The following HDAC9 variants were observed in gnomAD, a reference collection of about 807,000 sequenced individuals.
HDAC9 encodes the protein MEF-2 interacting transcription repressor (MITR) protein.
Under a neutral mutation model 139.4 loss-of-function variants are expected in HDAC9, and 41 were observed. That is an observed-to-expected ratio of 0.29 (90% CI 0.23 to 0.38). The LOEUF (loss-of-function observed/expected upper bound fraction) is 0.38, where lower values mean the gene tolerates loss of function less well. HDAC9 is among the 10% of genes least tolerant of loss of function. HDAC9 has a pLI of 1.00. For synonymous variants in HDAC9, 517 were observed against 476.2 expected, an observed-to-expected ratio of 1.09 and a Z score of -1.12; for missense variants, 1,147 against 1,297.0, an observed-to-expected ratio of 0.88 and a Z score of 1.78.
At chr7:18,477,806 A>G (rs141159269) in intron 1 of HDAC9, among the ~76,000 whole-genome samples, 1 of 152,274 alleles carries the variant, frequency 6.6e-6, no homozygotes, top group African/African-American at 2.4e-5. Flanking sequence ...TCCTTTATCT[A>G]ATGTTAACGA....
chr7:18,227,282 A>G (rs1489953928), intron 2 of HDAC9, among the ~76,000 whole-genome samples: 1 of 152,218 alleles, frequency 6.6e-6, no homozygotes, highest in African/African-American at 2.4e-5. Flanking sequence ...TATTTAAATA[A>G]AATTATTCAG....
intron 22 of HDAC9, among the ~76,000 whole-genome samples, chr7:18,910,227 A>G (rs752808580): frequency 1.3e-5 from 2 of 151,902 alleles, no homozygotes; most frequent in Non-Finnish European, 2.9e-5. Flanking sequence ...GTCTTCTTCA[A>G]TTTATTTCAT....
chr7:18,622,696 ATATT>A (rs1840548717), intron 6 of HDAC9, among the ~76,000 whole-genome samples: 2 of 152,044 alleles, frequency 1.3e-5, no homozygotes, highest in Non-Finnish European at 2.9e-5. Flanking sequence ...ATATGTTAAA[ATATT>A]TATATAATAT....
chr7:18,567,346 A>G (rs1015565816), intron 2 of HDAC9, among the ~76,000 whole-genome samples: 1 of 152,208 alleles, frequency 6.6e-6, no homozygotes, highest in Non-Finnish European at 1.5e-5. Flanking sequence ...TTACCTTAGC[A>G]TAGAGACAAA....
At chr7:18,579,444 C>T (rs929139121) in intron 2 of HDAC9, among the ~76,000 whole-genome samples, 2 of 152,164 alleles carry the variant, frequency 1.3e-5, no homozygotes, top group African/African-American at 4.8e-5. Flanking sequence ...GCAGCCTCTT[C>T]CCATGGAGTT....
rs114380718 is a variant in HDAC9 at position 18,512,792 on chromosome 7, C to T, written c.22+16468C>T. ...AATCCTGACAGGATCTATGAAGGAA[C>T]AAGGCATACTGATTCCAGAAATTCA... On this transcript the variant is annotated intron_variant, in intron 2 of 25. Coordinates refer to ENST00000686413, the MANE Select transcript of HDAC9 (RefSeq NM_178425.4). Among the ~76,000 whole-genome samples, 1,201 of 152,232 alleles carry T rather than the reference C, an allele frequency of 7.9e-3. 16 individuals carry two copies. Among genetic ancestry groups the T allele is most frequent in the African/African-American group, 0.027 (1,138 of 41,508 alleles).
chr7:18,323,546 T>A (rs1283711544), intron 1 of HDAC9, among the ~76,000 whole-genome samples: 2 of 152,132 alleles, frequency 1.3e-5, no homozygotes, highest in African/African-American at 4.8e-5. Flanking sequence ...ATAGACATGC[T>A]GATGTCTAGG....
intron 8 of HDAC9, among the ~76,000 whole-genome samples, chr7:18,643,864 T>G (rs1786510438): frequency 6.6e-6 from 1 of 152,046 alleles, no homozygotes; most frequent in Non-Finnish European, 1.5e-5. Flanking sequence ...CCAGAGTTCC[T>G]TAGTCTAATA....
intron 24 of HDAC9, among the ~76,000 whole-genome samples, chr7:18,959,816 G>C (rs1463344236): frequency 6.6e-6 from 1 of 152,144 alleles, no homozygotes; most frequent in African/African-American, 2.4e-5. Context: ...CTTACTTAGT[G>C]AATTGAGGTC....
rs1443310973 is a variant in HDAC9 at position 18,516,302 on chromosome 7, A to G, written c.22+19978A>G. On this transcript the variant is annotated intron_variant, in intron 2 of 25. Transcript: ENST00000686413. The stretch of plus-strand genomic sequence containing the variant: ...TTTAAGAAGGATTTCCTCTGGGTAA[A>G]TATATTCAGTTATGCTCATATCCAT... Among the ~76,000 whole-genome samples the G allele has an allele frequency of 3.3e-5, 5 of 152,192 alleles. No individual in the cohort carries two copies. The East Asian group carries it at 9.6e-4, about 29-fold the overall frequency.
At chr7:18,732,498 T>A (rs928626102) in intron 13 of HDAC9, among the ~76,000 whole-genome samples, 1 of 151,236 alleles carries the variant, frequency 6.6e-6, no homozygotes, top group Admixed American at 6.6e-5. Context: ...TGTGTATATA[T>A]GTGTATATAC....
chr7:18,780,434 C>T (rs2588602), intron 16 of HDAC9, among the ~76,000 whole-genome samples: 115,412 of 151,878 alleles, frequency 0.76, 44,652 homozygotes, highest in Non-Finnish European at 0.83. Context: ...AGTGGGGAAG[C>T]TTCTGTGAGA....
intron 17 of HDAC9, among the ~76,000 whole-genome samples, chr7:18,825,687 G>A (rs1237250571): frequency 6.7e-6 from 1 of 149,194 alleles, no homozygotes; most frequent in African/African-American, 2.5e-5. Context: ...ATGGGATTAA[G>A]GACAAAGATT....
At position 18,647,801 on chromosome 7, in the gene HDAC9, A is replaced by T. The variant is rs373868695; in HGVS notation, c.1052A>T (p.Lys351Ile). 18 of 1,609,546 alleles carry T rather than the reference A, an allele frequency of 1.1e-5. No individual in the cohort carries two copies. Among genetic ancestry groups the T allele is most frequent in the Admixed American group, 1.7e-5 (1 of 59,396 alleles). The part of the protein sequence containing the change: ...PSQLNASNSL[K>I]EKQKCETQTL... ...TCAACACAGGCTTCGAATTCACTCA[A>T]AGAAAAGCAGAAGTGTGAGACGCAG... is the stretch of plus-strand genomic sequence containing the variant. The change falls in exon 10 of 26, where the codon AAA (lysine) becomes ATA (isoleucine). Residue 351 changes from lysine to isoleucine, a missense_variant. Coordinates refer to ENST00000686413, the MANE Select transcript of HDAC9 (RefSeq NM_178425.4).
At chr7:18,218,648 C>T (rs7789412) in intron 2 of HDAC9, among the ~76,000 whole-genome samples, 39,759 of 151,928 alleles carry the variant, frequency 0.26, 5,479 homozygotes, top group South Asian at 0.39. Flanking sequence ...TTAGGTCCAC[C>T]ATTCAGTCCC....
At chr7:18,313,032 C>T (rs556676584) in intron 1 of HDAC9, among the ~76,000 whole-genome samples, 1 of 152,208 alleles carries the variant, frequency 6.6e-6, no homozygotes, top group East Asian at 1.9e-4. Flanking sequence ...AGACATAAGG[C>T]ACCTGTTTTC....
chr7:18,281,388 CTTAAT>C (rs1797096978), intron 2 of HDAC9, among the ~76,000 whole-genome samples: 1 of 152,128 alleles, frequency 6.6e-6, no homozygotes, highest in Admixed American at 6.5e-5. Flanking sequence ...TGCTTAAGTA[CTTAAT>C]TTAAGAGAGA....
At chr7:18,844,992 G>A (rs548974575) in intron 21 of HDAC9, among the ~76,000 whole-genome samples, 84 of 152,192 alleles carry the variant, frequency 5.5e-4, no homozygotes, top group Non-Finnish European at 9.9e-4. Context: ...GTCGTAGTAG[G>A]TGAAACGGAC....
Position 18,495,900 on chromosome 7 carries a change from A to G in HDAC9, c.-165A>G. 1 of 1,180,128 alleles carries G rather than the reference A, an allele frequency of 8.5e-7. No homozygotes were observed. Among genetic ancestry groups the G allele is most frequent in the Admixed American group, 4.4e-5 (1 of 22,882 alleles). The allele number at this position is 1,180,128 out of a possible 1,614,324, so 73.1% of individuals were successfully genotyped here. A position where few individuals can be genotyped will look rare whatever the true frequency, so the allele number is the denominator to read the frequency against. ...TCGTGGGTAGACTTAATAATTTTCT[A>G]CGTATTCTGACAAAGAAATAACCCC... On this transcript the variant is annotated 5_prime_UTR_variant, in exon 1 of 26. Transcript: ENST00000686413.
Sources: gnomAD v4.1 joint callset for allele counts (sites outside exome capture counted in the v4.1 genomes callset) on GRCh38, gnomAD v4.1.1 for gene constraint, MANE v1.5 for transcripts, NCBI Gene and HGNC (gene_info 2026-07-23, HGNC 2026-07-21) for gene names.